Variants in TMEM131L observed in about 807,000 individuals in gnomAD.
The protein encoded by TMEM131L is transmembrane 131 like, also known as transmembrane protein 131-like.
A neutral mutation model predicts 192.2 loss-of-function variants in TMEM131L; 54 were observed. The ratio of observed to expected loss-of-function variants is 0.28; its 90% CI spans 0.23 to 0.35. TMEM131L has a LOEUF of 0.35. TMEM131L is among the 10% of genes least tolerant of loss of function. TMEM131L has a pLI of 1.00. For synonymous variants in TMEM131L, 701 were observed against 704.9 expected (o/e 0.99, Z 0.09); for missense variants, 1,888 against 1,972.9 (o/e 0.96, Z 0.82).
At chr4:153,532,412 C>A (rs1735963538) in intron 3 of TMEM131L, among the ~76,000 whole-genome samples, 1 of 149,838 alleles carries the variant, frequency 6.7e-6, no homozygotes, top group Admixed American at 6.6e-5. Context: ...AGGAGTCTGG[C>A]GTGTGTGCTT....
At chr4:153,489,230 G>A (rs900562489) in intron 3 of TMEM131L, among the ~76,000 whole-genome samples, 2 of 152,014 alleles carry the variant, frequency 1.3e-5, no homozygotes, top group African/African-American at 4.8e-5. Context: ...CGCCTTTTTG[G>A]TATTGGGCTG....
intron 29 of TMEM131L, among the ~76,000 whole-genome samples, chr4:153,625,330 G>T (rs916720368): frequency 2.6e-5 from 4 of 151,726 alleles, no homozygotes; most frequent in African/African-American, 9.7e-5. Flanking sequence ...GGCGGAGGTT[G>T]CAGTGAGCCG....
At chr4:153,504,266 CTTTTTTTTTTTT>C (rs531620464) in intron 3 of TMEM131L, among the ~76,000 whole-genome samples, 33 of 42,626 alleles carry the variant, frequency 7.7e-4, no homozygotes, top group Admixed American at 2.9e-3. Context: ...CGCGGTCGGC[CTTTTTTTTTTTT>C]TTTTTTTTTT....
intron 4 of TMEM131L, among the ~76,000 whole-genome samples, chr4:153,550,364 T>TGG: frequency 6.6e-6 from 1 of 152,318 alleles, no homozygotes; most frequent in South Asian, 2.1e-4. Context: ...TCCTGCTCTG[T>TGG]CCACCAGGCT....
chr4:153,532,932 G>T (rs1394817327), intron 3 of TMEM131L, among the ~76,000 whole-genome samples: 1 of 151,614 alleles, frequency 6.6e-6, no homozygotes, highest in East Asian at 1.9e-4. Flanking sequence ...AAGAAGCAGG[G>T]GTATTAGCTT....
rs1160814225 is a variant in TMEM131L at position 153,602,267 on chromosome 4, T to C, written c.2382T>C (p.Gly794=). ...SLKINGYNCQ[G]YGFEVLDCHQ... ...AAATTAATGGGTATAACTGCCAAGG[T>C]TATGGATTCGAGGTGCTGGATTGTC... Residue 794 remains glycine (G), a synonymous_variant, in exon 22 of 35, where the codon GGT becomes GGC. Coordinates refer to ENST00000409959, the MANE Select transcript of TMEM131L (RefSeq NM_001131007.2). 1 of 1,613,744 alleles carries C rather than the reference T, an allele frequency of 6.2e-7. No homozygotes were observed. The highest frequency in any genetic ancestry group is 1.1e-5 in the South Asian group (1 of 90,974).
chr4:153,615,373 G>A (rs1372890565), intron 26 of TMEM131L, among the ~76,000 whole-genome samples: 1 of 152,176 alleles, frequency 6.6e-6, no homozygotes, highest in Non-Finnish European at 1.5e-5. Flanking sequence ...TAGAGCTTCG[G>A]CAACAAGTTA....
At chr4:153,547,781 GT>G (rs1204802346) in intron 3 of TMEM131L, among the ~76,000 whole-genome samples, 2 of 152,200 alleles carry the variant, frequency 1.3e-5, no homozygotes, top group African/African-American at 4.8e-5. Flanking sequence ...CAGGGCTCAT[GT>G]TTCCCACTTC....
intron 9 of TMEM131L, among the ~76,000 whole-genome samples, chr4:153,582,264 A>C (rs1279991542): frequency 6.6e-6 from 1 of 151,436 alleles, no homozygotes; most frequent in African/African-American, 2.4e-5. Context: ...TGTTTTTTTT[A>C]GACAGGATTT....
intron 34 of TMEM131L, 105 bp downstream of exon 34, chr4:153,635,676 A>G: frequency 3.1e-6 from 4 of 1,303,114 alleles, no homozygotes; most frequent in Non-Finnish European, 4.2e-6. Context: ...GGTTTGGACC[A>G]GCCAAAGCCT....
rs543753114 is a variant in TMEM131L, at chr4:153,585,540, C to T, written c.1240C>T (p.Arg414Cys). 46 of 1,613,812 alleles carry T rather than the reference C, an allele frequency of 2.9e-5. No individual in the cohort carries two copies. The highest frequency in any genetic ancestry group is 3.3e-5 in the South Asian group (3 of 91,072). ...NTSGLWSIWY[R>C]NHFDRSVVLN... The stretch of plus-strand genomic sequence containing the variant: ...ATCAGGACTTTGGTCAATATGGTAC[C>T]GCAACCATTTTGACCGTAGTGTTGT... The change falls in exon 13 of 35, where the codon CGC becomes TGC. Residue 414 changes from arginine (R) to cysteine (C), a missense_variant. Transcript: ENST00000409959.
Position 153,603,878 on chromosome 4 carries a change from A to G in TMEM131L, c.2866A>G (p.Thr956Ala). The change falls in exon 25 of 35, where the codon ACT (threonine) becomes GCT (alanine). Residue 956 changes from threonine (T) to alanine (A), a missense_variant. Physicochemically the swap from Thr to Ala is moderately conservative, Grantham distance 58. Coordinates refer to ENST00000409959, the MANE Select transcript of TMEM131L (RefSeq NM_001131007.2). Reference protein sequence around the residue: ...GRGKNCLPVNTPQSRIQNAAK... With the variant: ...GRGKNCLPVNAPQSRIQNAAK... ...GGGGAAGAACTGCCTTCCAGTGAAC[A>G]CTCCCCAAAGCAGGATCCAGAATGC... is the stretch of plus-strand genomic sequence containing the variant. 6 of 1,613,876 alleles carry G rather than the reference A, an allele frequency of 3.7e-6. No individual in the cohort carries two copies. The highest frequency in any genetic ancestry group is 5.1e-6 in the Non-Finnish European group (6 of 1,179,940).
chr4:153,497,821 G>A (rs1428894857), intron 3 of TMEM131L, among the ~76,000 whole-genome samples: 1 of 136,604 alleles, frequency 7.3e-6, no homozygotes, highest in Non-Finnish European at 1.5e-5. Flanking sequence ...CTGTGTTTGT[G>A]TAACATGTAT....
chr4:153,548,059 T>G (rs1453209837), intron 3 of TMEM131L, among the ~76,000 whole-genome samples: 2 of 152,060 alleles, frequency 1.3e-5, no homozygotes, highest in Non-Finnish European at 2.9e-5. Flanking sequence ...CCTGGCCAGC[T>G]CCGTCTGGAG....
chr4:153,605,243 G>C (rs1284355260), intron 25 of TMEM131L, among the ~76,000 whole-genome samples: 2 of 152,144 alleles, frequency 1.3e-5, no homozygotes, highest in Non-Finnish European at 2.9e-5. Flanking sequence ...ACCTCCATTG[G>C]GAATTGTCAT....
intron 3 of TMEM131L, among the ~76,000 whole-genome samples, chr4:153,544,745 G>T (rs933889152): frequency 6.6e-6 from 1 of 152,140 alleles, no homozygotes; most frequent in Non-Finnish European, 1.5e-5. Context: ...TTCTCCGGTG[G>T]GTTTTCGCTC....
At chr4:153,609,891 T>C (rs1732497010) in intron 25 of TMEM131L, among the ~76,000 whole-genome samples, 2 of 152,230 alleles carry the variant, frequency 1.3e-5, no homozygotes, top group South Asian at 4.1e-4. Context: ...TCTTATGCTT[T>C]CTTTTTCTGG....
intron 3 of TMEM131L, among the ~76,000 whole-genome samples, chr4:153,537,682 A>G (rs960651065): frequency 1.3e-5 from 2 of 152,162 alleles, no homozygotes; most frequent in African/African-American, 4.8e-5. Context: ...CTGTTTCATC[A>G]GCAAGGCCTT....
At chr4:153,602,814 A>C in intron 23 of TMEM131L, 87 bp downstream of exon 23, 1 of 1,165,528 alleles carries the variant, frequency 8.6e-7, no homozygotes, top group African/African-American at 1.5e-5. Flanking sequence ...GCCCGAGTGT[A>C]GTCAAAGTAT....
Sources: gnomAD v4.1 joint callset for allele counts (sites outside exome capture counted in the v4.1 genomes callset) on GRCh38, gnomAD v4.1.1 for gene constraint, MANE v1.5 for transcripts, NCBI Gene and HGNC (gene_info 2026-07-23, HGNC 2026-07-21) for gene names.